Variants in KCNQ1 observed in about 807,000 individuals in gnomAD.
KCNQ1 encodes the protein potassium voltage-gated channel subfamily Q member 1, also known as potassium voltage-gated channel subfamily KQT member 1.
A neutral mutation model predicts 72.4 loss-of-function variants in KCNQ1; 49 were observed. The ratio of observed to expected loss-of-function variants is 0.68; its 90% CI spans 0.54 to 0.86. The LOEUF (loss-of-function observed/expected upper bound fraction) is 0.86, where lower values mean the gene tolerates loss of function less well. Among genes scored for constraint, KCNQ1 ranks in the 40% least tolerant of loss-of-function variants. The probability of loss-of-function intolerance (pLI) is 0.00; values close to 1 mark genes in which losing one functional copy is unlikely to be tolerated. For synonymous variants in KCNQ1, 450 were observed against 412.6 expected (o/e 1.09, Z -1.10); for missense variants, 790 against 945.1 (o/e 0.84, Z 2.15).
Position 2,776,018 on chromosome 11 carries a change from TC to T in KCNQ1, c.1650del (p.Asn551ThrfsTer42). On this transcript the variant is annotated frameshift_variant, in exon 13 of 16. Coordinates refer to ENST00000155840, the MANE Select transcript of KCNQ1 (RefSeq NM_000218.3). LOFTEE classifies it high-confidence loss of function. ...DVIEQYSQGH[L>X]NLMVRIKELQ... The stretch of plus-strand genomic sequence containing the variant: ...ATTGAGCAGTACTCGCAGGGCCACC[TC>T]AACCTCATGGTGCGCATCAAGGAGC... 1 of 1,573,902 alleles carries T rather than the reference TC, an allele frequency of 6.4e-7. No homozygotes were observed. The highest frequency in any genetic ancestry group is 8.6e-7 in the Non-Finnish European group (1 of 1,160,072).
In KCNQ1 at chr11:2,671,791, G is replaced by T. The variant is rs1406739338; in HGVS notation, c.1514+9710G>T. 16 of 398,690 alleles carry T rather than the reference G, an allele frequency of 4.0e-5. No homozygotes were observed. The highest frequency in any genetic ancestry group is 8.8e-5 in the Admixed American group (2 of 22,732). The allele number at this position is 398,690 out of a possible 1,614,324, so 24.7% of individuals were successfully genotyped here. On this transcript the variant is annotated intron_variant, in intron 11 of 15. Coordinates refer to ENST00000155840, the MANE Select transcript of KCNQ1 (RefSeq NM_000218.3). The surrounding 1 kb of genome is among the most constrained non-coding windows in gnomAD (Gnocchi z 4.7). ...CACATAATCATTCTGACCCAGTCAG[G>T]GTTCTTCCCCCAAATAAATCCCTGC...
rs745988162 is a variant in KCNQ1 at position 2,678,445 on chromosome 11, T to C, written c.1514+16364T>C. Reference sequence around the variant, plus strand: ...TTTGAGTACATCATCATCTCTCTACTAATTTCAACTGCTACCTTTATCATA... The same window carrying C: ...TTTGAGTACATCATCATCTCTCTACCAATTTCAACTGCTACCTTTATCATA... On this transcript the variant is annotated intron_variant, in intron 11 of 15. Transcript: ENST00000155840. This position sits in a 1 kb window ranked among gnomAD's most constrained non-coding sequence, Gnocchi z 4.9. 1 of 398,654 alleles carries C rather than the reference T, an allele frequency of 2.5e-6. No individual in the cohort carries two copies. The highest frequency in any genetic ancestry group is 4.4e-6 in the Non-Finnish European group (1 of 226,064). 24.7% of individuals were successfully genotyped at this position (398,654 alleles called of 1,614,324 possible).
chr11:2,648,636 T>C (rs1849704273), intron 10 of KCNQ1: 2 of 398,566 alleles, frequency 5.0e-6, no homozygotes, highest in Non-Finnish European at 4.4e-6. Context: ...TCTGAGAAGA[T>C]ACTTGATAAG....
chr11:2,582,089 C>T (rs61871517), intron 6 of KCNQ1, among the ~76,000 whole-genome samples: 12,729 of 152,270 alleles, frequency 0.084, 653 homozygotes, highest in East Asian at 0.17. Context: ...CGGTGGCTGG[C>T]GTTCATCACT....
intron 10 of KCNQ1, chr11:2,630,906 A>G (rs1589992171): frequency 2.5e-6 from 1 of 398,466 alleles, no homozygotes; most frequent in Non-Finnish European, 4.4e-6. Flanking sequence ...ATATAATCCT[A>G]TTGTTTCCTG....
In KCNQ1 at chr11:2,661,726, C is replaced by A; in HGVS notation, c.1394-235C>A. 1 of 617,316 alleles carries A rather than the reference C, an allele frequency of 1.6e-6. No individual in the cohort carries two copies. Among genetic ancestry groups the A allele is most frequent in the East Asian group, 2.7e-5 (1 of 36,570 alleles). The allele number at this position is 617,316 out of a possible 1,614,324, so 38.2% of individuals were successfully genotyped here. A position where few individuals can be genotyped will look rare whatever the true frequency, so the allele number is the denominator to read the frequency against. On this transcript the variant is annotated intron_variant, in intron 10 of 15. Coordinates refer to ENST00000155840, the MANE Select transcript of KCNQ1 (RefSeq NM_000218.3). This position sits in a 1 kb window ranked among gnomAD's most constrained non-coding sequence, Gnocchi z 5.9. ...CACAGCCCCAGGCACAGTTACCACT[C>A]CGAAGATGATTCACTGGCCTTTATT...
intron 1 of KCNQ1, among the ~76,000 whole-genome samples, chr11:2,527,415 G>A (rs1847528096): frequency 6.6e-6 from 1 of 152,234 alleles, no homozygotes; most frequent in African/African-American, 2.4e-5. Flanking sequence ...TGTAAAATCA[G>A]CTTTGTAGAG....
At chr11:2,836,072 G>T (rs1283837014) in intron 15 of KCNQ1, among the ~76,000 whole-genome samples, 2 of 152,118 alleles carry the variant, frequency 1.3e-5, no homozygotes, top group Non-Finnish European at 2.9e-5. Context: ...GCCCCGTGGC[G>T]TGGCGGGGGT....
chr11:2,686,842 G>A lies in KCNQ1; in HGVS notation c.1514+24761G>A, dbSNP rs558047391. 7.3e-5 allele frequency: 29 copies of A among 398,674 alleles called. No homozygotes were observed. The Admixed American group carries it at 1.0e-3, about 14-fold the overall frequency. The allele number at this position is 398,674 out of a possible 1,614,324, so 24.7% of individuals were successfully genotyped here. ...GCAGCACAAGTAACTCAGAGCCACT[G>A]TCCCCTCTGGCCAGAGGCCCTGGTT... On this transcript the variant is annotated intron_variant, in intron 11 of 15. Coordinates refer to ENST00000155840, the MANE Select transcript of KCNQ1 (RefSeq NM_000218.3).
At position 2,491,009 on chromosome 11, in the gene KCNQ1, A is replaced by G. The variant is rs1446966912; in HGVS notation, c.387-36919A>G. On this transcript the variant is annotated intron_variant, in intron 1 of 15. Transcript: ENST00000155840. The surrounding 1 kb of genome is among the most constrained non-coding windows in gnomAD (Gnocchi z 4.1). Reference sequence around the variant, plus strand: ...GCGTGAGCCACTGCGCCTGGCCCCAAGGCAGTATTTTTATGAGTCTGCAAG... The same window carrying G: ...GCGTGAGCCACTGCGCCTGGCCCCAGGGCAGTATTTTTATGAGTCTGCAAG... Among the ~76,000 whole-genome samples, 1 of 152,190 alleles carries G rather than the reference A, an allele frequency of 6.6e-6. No individual in the cohort carries two copies. Among genetic ancestry groups the G allele is most frequent in the African/African-American group, 2.4e-5 (1 of 41,452 alleles).
In KCNQ1 at chr11:2,608,365, G is replaced by A; in HGVS notation, c.1393+19511G>A. ...ATAGTTTTCATCTTTCTAGGAATTT[G>A]TCAATTTCATCTAAGTTTTATAATT... On this transcript the variant is annotated intron_variant, in intron 10 of 15. Coordinates refer to ENST00000155840, the MANE Select transcript of KCNQ1 (RefSeq NM_000218.3). This position sits in a 1 kb window ranked among gnomAD's most constrained non-coding sequence, Gnocchi z 4.6. 1 of 398,410 alleles carries A rather than the reference G, an allele frequency of 2.5e-6. No homozygotes were observed. Among genetic ancestry groups the A allele is most frequent in the Non-Finnish European group, 4.4e-6 (1 of 226,026 alleles). 24.7% of individuals were successfully genotyped at this position (398,410 alleles called of 1,614,324 possible).
At chr11:2,696,810 T>C (rs1039898607) in intron 11 of KCNQ1, 13 of 398,526 alleles carry the variant, frequency 3.3e-5, no homozygotes, top group Admixed American at 2.2e-4. Context: ...TTTGCTGCTA[T>C]TCTGATTGCT....
chr11:2,813,231 C>A lies in KCNQ1; in HGVS notation c.1795-34536C>A, dbSNP rs140400323. On this transcript the variant is annotated intron_variant, in intron 15 of 15. Transcript: ENST00000155840. The surrounding 1 kb of genome is among the most constrained non-coding windows in gnomAD (Gnocchi z 4.4). ...AGCTGGAGGGAGTTCCATCCCAGCC[C>A]CAAGGTGCCTGGAGTAGCTTATGGA... 7.0e-4 allele frequency among the ~76,000 whole-genome samples: 107 copies of A among 152,298 alleles called. 2 individuals are homozygous for A. The East Asian group carries it at 0.018, about 25-fold the overall frequency.
At position 2,493,501 on chromosome 11, in the gene KCNQ1, T is replaced by C. The variant is rs1846866863; in HGVS notation, c.387-34427T>C. On this transcript the variant is annotated intron_variant, in intron 1 of 15. Transcript: ENST00000155840. The surrounding 1 kb of genome is among the most constrained non-coding windows in gnomAD (Gnocchi z 5.3). ...GGTTTTAGGTTTTACATTTAAGTCTTTAATCATCTTGAGTTAATTTTTATA... is the reference window on the plus strand; with the variant it reads ...GGTTTTAGGTTTTACATTTAAGTCTCTAATCATCTTGAGTTAATTTTTATA... Among the ~76,000 whole-genome samples the C allele has an allele frequency of 6.6e-6, 1 of 152,242 alleles. No individual in the cohort carries two copies. Among genetic ancestry groups the C allele is most frequent in the Non-Finnish European group, 1.5e-5 (1 of 68,050 alleles).
chr11:2,503,453 A>G (rs1847048323), intron 1 of KCNQ1, among the ~76,000 whole-genome samples: 1 of 147,616 alleles, frequency 6.8e-6, no homozygotes, highest in Non-Finnish European at 1.5e-5. Context: ...AAAACCAAAC[A>G]CCGCATGTTC....
rs529215467 is a variant in KCNQ1 at position 2,659,368 on chromosome 11, C to A, written c.1394-2593C>A. On this transcript the variant is annotated intron_variant, in intron 10 of 15. Transcript: ENST00000155840. The surrounding 1 kb of genome is among the most constrained non-coding windows in gnomAD (Gnocchi z 4.3). ...GGATCCTATAATATGTATTCTTTTG[C>A]ATCTGGCTTCTTTCACTGCTTAGCA... 8.0e-5 allele frequency: 32 copies of A among 398,616 alleles called. No homozygotes were observed. The highest frequency in any genetic ancestry group is 5.5e-4 in the African/African-American group (27 of 48,768). The allele number at this position is 398,616 out of a possible 1,614,324, so 24.7% of individuals were successfully genotyped here.
At chr11:2,667,255 A>C in intron 11 of KCNQ1, 1 of 398,632 alleles carries the variant, frequency 2.5e-6, no homozygotes, top group Non-Finnish European at 4.4e-6. Context: ...CACGTGAGGA[A>C]GAAGCGGCTG....
At chr11:2,721,069 G>A (rs573234465) in intron 11 of KCNQ1, among the ~76,000 whole-genome samples, 2 of 152,290 alleles carry the variant, frequency 1.3e-5, no homozygotes, top group African/African-American at 4.8e-5. Flanking sequence ...GTTTCTTAAA[G>A]CTTGTAAAGA....
At chr11:2,587,477 G>A in intron 8 of KCNQ1, 93 bp from the exon 9 acceptor site, 1 of 1,577,854 alleles carries the variant, frequency 6.3e-7, no homozygotes, top group Non-Finnish European at 8.6e-7. Flanking sequence ...GAGGGGCCAG[G>A]CCTGGGGAAC....
Sources: gnomAD v4.1 joint callset for allele counts (sites outside exome capture counted in the v4.1 genomes callset) on GRCh38, gnomAD v4.1.1 for gene constraint, Gnocchi (gnomAD v3.1) non-coding constraint, MANE v1.5 for transcripts, NCBI Gene and HGNC (gene_info 2026-07-23, HGNC 2026-07-21) for gene names.